Variants in ABCA12 observed in about 807,000 individuals in gnomAD.
ABCA12 encodes ATP binding cassette subfamily A member 12, also known as glucosylceramide transporter ABCA12.
In ABCA12, 156 loss-of-function variants were observed where a neutral mutation model predicts 293.5. That is an observed-to-expected ratio of 0.53 (90% confidence interval 0.47 to 0.61). The LOEUF (loss-of-function observed/expected upper bound fraction) is 0.61. ABCA12 is among the 20% of genes least tolerant of loss of function. The pLI is 0.00. For synonymous variants in ABCA12, 1,063 were observed against 1,108.0 expected (o/e 0.96, Z 0.81); for missense variants, 2,797 against 3,090.2 (o/e 0.91, Z 2.25).
chr2:214,938,092 C>G (rs1446325292), intron 50 of ABCA12, among the ~76,000 whole-genome samples: 1 of 152,078 alleles, frequency 6.6e-6, no homozygotes, highest in African/African-American at 2.4e-5. Context: ...TCTCCTAATG[C>G]TATCCCTCCC....
At chr2:215,083,300 G>C (rs543788053) in intron 2 of ABCA12, among the ~76,000 whole-genome samples, 2 of 152,300 alleles carry the variant, frequency 1.3e-5, no homozygotes, top group South Asian at 4.1e-4. Flanking sequence ...ACGGATAGTG[G>C]AATGTGAAAG....
intron 21 of ABCA12, among the ~76,000 whole-genome samples, 179 bp downstream of exon 21, chr2:215,001,379 T>C (rs1373151655): frequency 6.6e-6 from 1 of 152,206 alleles, no homozygotes; most frequent in African/African-American, 2.4e-5. Context: ...ACCAACAAAA[T>C]TAGACATACT....
At chr2:215,073,376 T>A (rs1247171798) in intron 2 of ABCA12, among the ~76,000 whole-genome samples, 2 of 152,024 alleles carry the variant, frequency 1.3e-5, no homozygotes, top group African/African-American at 2.4e-5. Flanking sequence ...TGTAGGACAT[T>A]CTCCCTCTAA....
At chr2:215,137,401 T>A (rs12464205) in intron 1 of ABCA12, among the ~76,000 whole-genome samples, 1 of 152,068 alleles carries the variant, frequency 6.6e-6, no homozygotes, top group Non-Finnish European at 1.5e-5. Context: ...TTCTTCTGAA[T>A]ATATAACAAC....
chr2:215,115,961 G>A (rs1224926108), intron 1 of ABCA12, among the ~76,000 whole-genome samples: 5 of 152,104 alleles, frequency 3.3e-5, no homozygotes, highest in East Asian at 1.9e-4. Flanking sequence ...GCAGGCGACC[G>A]ATTTCATAAG....
Position 214,932,222 on chromosome 2 carries a change from T to C in ABCA12, c.*412A>G, listed in dbSNP as rs1389652541. The C allele has an allele frequency of 8.1e-6, 2 of 245,572 alleles. No homozygotes were observed. Among genetic ancestry groups the C allele is most frequent in the Non-Finnish European group, 1.6e-5 (2 of 125,016 alleles). 15.2% of individuals were successfully genotyped at this position (245,572 alleles called of 1,614,324 possible). A position where few individuals can be genotyped will look rare whatever the true frequency, so the allele number is the denominator to read the frequency against. ...TCTGTTGTTTTCTGGAAATAAATTA[T>C]GTTGTCTGCTTGCCCGGTGGCACCT... On this transcript the variant is annotated 3_prime_UTR_variant, in exon 53 of 53. Transcript: ENST00000272895.
chr2:214,957,349 T>C (rs1244191453), intron 41 of ABCA12, among the ~76,000 whole-genome samples: 2 of 152,108 alleles, frequency 1.3e-5, no homozygotes, highest in Non-Finnish European at 2.9e-5. Flanking sequence ...ATGAAGGTGG[T>C]GGTAACTTAA....
chr2:214,940,938 A>C (rs1033097546), intron 50 of ABCA12, among the ~76,000 whole-genome samples: 4 of 151,896 alleles, frequency 2.6e-5, no homozygotes, highest in Admixed American at 2.0e-4. Context: ...TGATTTTTTG[A>C]AGGGTTTTTC....
At position 214,970,275 on chromosome 2, in the gene ABCA12, T is replaced by C; in HGVS notation, c.5688A>G (p.Lys1896=). The part of the protein sequence containing the change: ...LISTANEFVQ[K]RYGGWSFGLP... ...ATGTTATAAACAGATTATTTTACCT[T>C]TTTTGGACAAACTCATTTGCAGTTG... The change falls in exon 37 of 53, where the codon AAA becomes AAG. Residue 1896 remains lysine (K), a splice_region_variant and synonymous_variant. Transcript: ENST00000272895. 6.2e-7 allele frequency: 1 copy of C among 1,611,758 alleles called. No homozygotes were observed. The highest frequency in any genetic ancestry group is 8.5e-7 in the Non-Finnish European group (1 of 1,178,964).
At chr2:215,003,104 C>G (rs1333723511) in intron 20 of ABCA12, among the ~76,000 whole-genome samples, 3 of 152,160 alleles carry the variant, frequency 2.0e-5, no homozygotes, top group African/African-American at 7.2e-5. Context: ...AGGCATAATT[C>G]TTCCCCAGTG....
chr2:215,019,857 G>T, intron 11 of ABCA12, 61 bp from the exon 12 acceptor site: 1 of 1,577,208 alleles, frequency 6.3e-7, no homozygotes, highest in Non-Finnish European at 8.6e-7. Context: ...ATATATAGTA[G>T]TTGATAATAA....
At chr2:215,038,252 T>C (rs1407256385) in intron 7 of ABCA12, among the ~76,000 whole-genome samples, 1 of 152,224 alleles carries the variant, frequency 6.6e-6, no homozygotes, top group Non-Finnish European at 1.5e-5. Flanking sequence ...CTAATAATTC[T>C]ATAAAATCTA....
At chr2:215,047,475 G>A (rs922372958) in intron 6 of ABCA12, among the ~76,000 whole-genome samples, 1 of 152,046 alleles carries the variant, frequency 6.6e-6, no homozygotes, top group Non-Finnish European at 1.5e-5. Flanking sequence ...CAGAAATAGG[G>A]CTACACACCT....
rs561982938 is a variant in ABCA12 at position 214,999,115 on chromosome 2, A to AT, written c.3180-1307dup. On this transcript the variant is annotated intron_variant, in intron 22 of 52. Transcript: ENST00000272895. ...GCAGTGGGAGTTGAGGCCATATTCC[A>AT]TTTTTTTTGTTGTTGTTTCCTGGGA... 1.8e-4 allele frequency among the ~76,000 whole-genome samples: 28 copies of AT among 151,878 alleles called. No individual in the cohort carries two copies. In the South Asian group the frequency reaches 4.8e-3, roughly 26 times the overall value.
intron 7 of ABCA12, among the ~76,000 whole-genome samples, chr2:215,044,810 A>G (rs952441287): frequency 2.6e-5 from 4 of 152,202 alleles, no homozygotes; most frequent in African/African-American, 9.6e-5. Flanking sequence ...TTATCAATAC[A>G]AGGGCTTATT....
chr2:215,074,889 C>T (rs1212701266), intron 2 of ABCA12, among the ~76,000 whole-genome samples: 1 of 151,918 alleles, frequency 6.6e-6, no homozygotes, highest in Non-Finnish European at 1.5e-5. Context: ...TTGCAGTGAG[C>T]CGAGATCACG....
intron 8 of ABCA12, among the ~76,000 whole-genome samples, chr2:215,034,909 G>A (rs1359448082): frequency 6.6e-6 from 1 of 152,150 alleles, no homozygotes; most frequent in Admixed American, 6.5e-5. Flanking sequence ...GAGAATCCAA[G>A]CAACTCTGCT....
intron 1 of ABCA12, among the ~76,000 whole-genome samples, chr2:215,118,954 G>T (rs1283039073): frequency 3.3e-5 from 5 of 151,928 alleles, no homozygotes; most frequent in African/African-American, 7.2e-5. Context: ...CATTCTTTAG[G>T]TTATCTGTTT....
chr2:214,949,362 A>G (rs1698679715), intron 45 of ABCA12, among the ~76,000 whole-genome samples: 2 of 142,812 alleles, frequency 1.4e-5, no homozygotes, highest in Admixed American at 6.9e-5. Context: ...ATCTGAATAT[A>G]TATATATATA....
Sources: gnomAD v4.1 joint callset for allele counts (sites outside exome capture counted in the v4.1 genomes callset) on GRCh38, gnomAD v4.1.1 for gene constraint, MANE v1.5 for transcripts, NCBI Gene and HGNC (gene_info 2026-07-23, HGNC 2026-07-21) for gene names.